CIB4: variants seen among roughly 807,000 people sequenced by gnomAD.
The protein encoded by CIB4 is calcium and integrin binding family member 4.
Under a neutral mutation model 25.8 loss-of-function variants are expected in CIB4, and 25 were observed. That is an observed-to-expected ratio of 0.97 (90% confidence interval 0.71 to 1.35). The LOEUF is 1.35. Among genes scored for constraint, CIB4 ranks in the 40% most tolerant of loss-of-function variants. The pLI is 0.00. For missense variants in CIB4, 235 were observed against 228.2 expected, an observed-to-expected ratio of 1.03 and a Z score of -0.19; for synonymous variants, 75 against 81.4, an observed-to-expected ratio of 0.92 and a Z score of 0.42.
chr2:26,590,275 A>AAC (rs1386686519), intron 4 of CIB4, among the ~76,000 whole-genome samples: 6 of 151,520 alleles, frequency 4.0e-5, no homozygotes, highest in Middle Eastern at 3.4e-3. Flanking sequence ...AAAAAAAAAA[A>AAC]AAAAAAAAAC....
At chr2:26,640,011 G>A (rs1030015460) in intron 2 of CIB4, among the ~76,000 whole-genome samples, 10 of 151,972 alleles carry the variant, frequency 6.6e-5, no homozygotes, top group Non-Finnish European at 1.5e-4. Context: ...ACTGGACAGC[G>A]GTCCGCATGA....
At chr2:26,600,908 A>G (rs1189421825) in intron 3 of CIB4, among the ~76,000 whole-genome samples, 1 of 152,110 alleles carries the variant, frequency 6.6e-6, no homozygotes, top group Non-Finnish European at 1.5e-5. Context: ...CTAAAGAACA[A>G]CAAAGCTGGA....
At chr2:26,624,506 G>A (rs1039550311) in intron 3 of CIB4, among the ~76,000 whole-genome samples, 3 of 152,154 alleles carry the variant, frequency 2.0e-5, no homozygotes, top group Non-Finnish European at 4.4e-5. Flanking sequence ...GACAAACGGA[G>A]AACAATACGG....
chr2:26,636,250 A>G (rs1669530730), intron 2 of CIB4, among the ~76,000 whole-genome samples: 1 of 152,156 alleles, frequency 6.6e-6, no homozygotes, highest in South Asian at 2.1e-4. Context: ...TCGTATATGC[A>G]TTATTCAAAC....
chr2:26,622,159 G>A (rs1325101927), intron 3 of CIB4, among the ~76,000 whole-genome samples: 2 of 151,822 alleles, frequency 1.3e-5, no homozygotes, highest in African/African-American at 2.4e-5. Context: ...TCAGGAGTTC[G>A]AGACCAGCCT....
chr2:26,589,094 T>TCTCCTTCCCCTTCCCCTTCTC, intron 4 of CIB4, among the ~76,000 whole-genome samples: 1 of 104,564 alleles, frequency 9.6e-6, no homozygotes. Flanking sequence ...TTCTTCTTCT[T>TCTCCTTCCCCTTCCCCTTCTC]CTTCTTCTTC....
chr2:26,600,286 T>C (rs1370883873), intron 3 of CIB4, among the ~76,000 whole-genome samples: 1 of 150,686 alleles, frequency 6.6e-6, no homozygotes, highest in Non-Finnish European at 1.5e-5. Context: ...GCGCCTGTAA[T>C]CCCAGCTACT....
At chr2:26,620,404 C>T (rs1162727705) in intron 3 of CIB4, among the ~76,000 whole-genome samples, 2 of 152,150 alleles carry the variant, frequency 1.3e-5, no homozygotes, top group East Asian at 1.9e-4. Context: ...CTCAGCACCA[C>T]GGGGTGACTG....
chr2:26,634,245 C>T (rs1394769104), intron 2 of CIB4, among the ~76,000 whole-genome samples: 1 of 152,204 alleles, frequency 6.6e-6, no homozygotes, highest in Admixed American at 6.5e-5. Flanking sequence ...TGGCTTCACC[C>T]CCACCCCACG....
chr2:26,590,700 G>A (rs1039021232), intron 4 of CIB4, among the ~76,000 whole-genome samples: 5 of 152,218 alleles, frequency 3.3e-5, no homozygotes, highest in East Asian at 3.9e-4. Context: ...GAAACCTTCC[G>A]AGCCCAGAGA....
At chr2:26,584,187 T>C (rs1668407403) in intron 4 of CIB4, among the ~76,000 whole-genome samples, 3 of 152,182 alleles carry the variant, frequency 2.0e-5, no homozygotes, top group African/African-American at 7.2e-5. Context: ...ATTAGTCTTT[T>C]ACCAAAAAGA....
chr2:26,592,120 T>A (rs1353991140), intron 4 of CIB4, among the ~76,000 whole-genome samples: 1 of 152,272 alleles, frequency 6.6e-6, no homozygotes, highest in East Asian at 1.9e-4. Flanking sequence ...AAAACTCATC[T>A]AGTGCTGGTT....
chr2:26,598,737 C>G (rs1369004898), intron 3 of CIB4, among the ~76,000 whole-genome samples: 1 of 152,172 alleles, frequency 6.6e-6, no homozygotes, highest in African/African-American at 2.4e-5. Flanking sequence ...CCCAGGGTCC[C>G]TGTCTCAAGG....
chr2:26,592,905 G>A (rs1384062249), intron 4 of CIB4, among the ~76,000 whole-genome samples: 2 of 152,074 alleles, frequency 1.3e-5, no homozygotes, highest in East Asian at 1.9e-4. Context: ...TTAATGGTAC[G>A]TGTCAATTTG....
chr2:26,581,257 G>A lies in CIB4; in HGVS notation c.*106C>T, dbSNP rs1345342470. On this transcript the variant is annotated 3_prime_UTR_variant, in exon 7 of 7. Coordinates refer to ENST00000288861, the MANE Select transcript of CIB4 (RefSeq NM_001029881.3). ...TAAACAATATTCTAGAGGTGAGTGT[G>A]GGCCCAGTACAAAGTCATACTTCAA... The A allele has an allele frequency of 1.1e-6, 1 of 872,866 alleles. No individual in the cohort carries two copies. The highest frequency in any genetic ancestry group is 1.4e-5 in the South Asian group (1 of 73,026). 54.1% of individuals were successfully genotyped at this position (872,866 alleles called of 1,614,324 possible).
At chr2:26,599,720 T>C (rs1247821985) in intron 3 of CIB4, among the ~76,000 whole-genome samples, 1 of 152,218 alleles carries the variant, frequency 6.6e-6, no homozygotes, top group Non-Finnish European at 1.5e-5. Flanking sequence ...CTTCATTTAG[T>C]GTTTTTATTT....
chr2:26,630,887 G>A (rs1488069212), intron 2 of CIB4, among the ~76,000 whole-genome samples: 9 of 152,008 alleles, frequency 5.9e-5, no homozygotes. Context: ...TGTGCTCCTG[G>A]GCTGTGCACA....
chr2:26,589,039 T>TTCC (rs1668517790), intron 4 of CIB4, among the ~76,000 whole-genome samples: 3 of 45,732 alleles, frequency 6.6e-5, no homozygotes, highest in Admixed American at 2.2e-4. Flanking sequence ...CTTCTTCTTC[T>TTCC]TCTTCTTCTT....
intron 3 of CIB4, among the ~76,000 whole-genome samples, chr2:26,596,746 TAAAAA>T (rs11286952): frequency 1.4e-5 from 2 of 143,330 alleles, no homozygotes; most frequent in Admixed American, 6.9e-5. Flanking sequence ...AAACTGCATC[TAAAAA>T]AAAAAAAAAA....
Sources: allele counts gnomAD v4.1 joint callset (sites outside exome capture counted in the v4.1 genomes callset), GRCh38; gene constraint gnomAD v4.1.1; transcripts MANE v1.5; gene names NCBI Gene and HGNC (gene_info 2026-07-23, HGNC 2026-07-21).